Variants in MDGA2 observed in about 807,000 individuals in gnomAD.
MDGA2 encodes the protein MAM domain-containing glycosylphosphatidylinositol anchor protein 2.
In MDGA2, 40 loss-of-function variants were observed where a neutral mutation model predicts 117.8. That is an observed-to-expected ratio of 0.34 (90% confidence interval 0.26 to 0.44). The LOEUF (loss-of-function observed/expected upper bound fraction) is 0.44. MDGA2 is among the 20% of genes least tolerant of loss of function. The probability of loss-of-function intolerance (pLI) is 1.00; values close to 1 mark genes in which losing one functional copy is unlikely to be tolerated. For missense variants in MDGA2, 1,123 were observed against 1,250.6 expected, an observed-to-expected ratio of 0.90 and a Z score of 1.54; for synonymous variants, 452 against 439.0, an observed-to-expected ratio of 1.03 and a Z score of -0.37.
At chr14:47,442,575 A>G (rs1030258477) in intron 1 of MDGA2, among the ~76,000 whole-genome samples, 11 of 152,246 alleles carry the variant, frequency 7.2e-5, no homozygotes, top group Middle Eastern at 3.4e-3. Context: ...ATTCTACCTT[A>G]TAGGTATTAT....
chr14:46,853,274 A>C (rs897847224), intron 15 of MDGA2, among the ~76,000 whole-genome samples: 7 of 152,046 alleles, frequency 4.6e-5, no homozygotes, highest in Non-Finnish European at 7.4e-5. Flanking sequence ...AAACATAAAT[A>C]GAAAAAAATG....
chr14:47,092,012 A>G (rs8014438), intron 6 of MDGA2, among the ~76,000 whole-genome samples: 48,219 of 152,064 alleles, frequency 0.32, 7,996 homozygotes, highest in African/African-American at 0.41. Context: ...AGTTCTTTTG[A>G]GTAATTACAT....
At chr14:47,045,680 G>A (rs1013642918) in intron 7 of MDGA2, among the ~76,000 whole-genome samples, 3 of 152,048 alleles carry the variant, frequency 2.0e-5, no homozygotes, top group South Asian at 2.1e-4. Context: ...AACAAGAAAG[G>A]GGGGGCAGGC....
At chr14:47,570,889 G>T (rs1896006575) in intron 1 of MDGA2, among the ~76,000 whole-genome samples, 1 of 152,140 alleles carries the variant, frequency 6.6e-6, no homozygotes, top group Non-Finnish European at 1.5e-5. Flanking sequence ...GGGAACAAAA[G>T]TCAAAATTGA....
chr14:47,531,493 G>GTAT (rs1895100008), intron 1 of MDGA2, among the ~76,000 whole-genome samples: 2 of 152,160 alleles, frequency 1.3e-5, no homozygotes, highest in Admixed American at 6.5e-5. Context: ...ATTAGAAAAT[G>GTAT]TATTATTATT....
At chr14:46,849,380 T>C (rs1880971418) in intron 15 of MDGA2, among the ~76,000 whole-genome samples, 3 of 151,924 alleles carry the variant, frequency 2.0e-5, no homozygotes, top group Admixed American at 2.0e-4. Flanking sequence ...ATTTATTGCA[T>C]TGTTTTATTT....
At position 46,841,046 on chromosome 14, in the gene MDGA2, A is replaced by C. The variant is rs1454319636; in HGVS notation, c.*885T>G. On this transcript the variant is annotated 3_prime_UTR_variant, in exon 17 of 17. Coordinates refer to ENST00000399232, the MANE Select transcript of MDGA2 (RefSeq NM_001113498.3). ...TGTAGTTTGTTTATAAAATAGTTTT[A>C]CACAAACCACTCTTAGCAGTGCAAG... is the stretch of plus-strand genomic sequence containing the variant. 1.3e-5 allele frequency: 2 copies of C among 152,568 alleles called. No homozygotes were observed. Among genetic ancestry groups the C allele is most frequent in the African/African-American group, 4.8e-5 (2 of 41,436 alleles). The allele number at this position is 152,568 out of a possible 1,614,324, so 9.5% of individuals were successfully genotyped here.
chr14:47,659,639 T>C (rs1284253260), intron 1 of MDGA2, among the ~76,000 whole-genome samples: 2 of 152,186 alleles, frequency 1.3e-5, no homozygotes, highest in African/African-American at 4.8e-5. Flanking sequence ...GGTGTATAAG[T>C]GTATACCTCA....
chr14:46,954,597 C>A (rs1885493292), intron 9 of MDGA2, among the ~76,000 whole-genome samples: 1 of 151,988 alleles, frequency 6.6e-6, no homozygotes. Context: ...TGCACACTCA[C>A]ATTGCCTCCT....
At position 47,050,397 on chromosome 14, in the gene MDGA2, C is replaced by T. The variant is rs555450817; in HGVS notation, c.1525+10852G>A. ...CCAAACACCTTAGATTTTCTGTCTA[C>T]TTGTAACTTACTTTGAAATACTTCA... On this transcript the variant is annotated intron_variant, in intron 7 of 16. Transcript: ENST00000399232. Among the ~76,000 whole-genome samples, 7 of 152,126 alleles carry T rather than the reference C, an allele frequency of 4.6e-5. 1 individual carries two copies. In the South Asian group the frequency reaches 1.2e-3, roughly 27 times the overall value.
intron 2 of MDGA2, among the ~76,000 whole-genome samples, chr14:47,242,470 G>A (rs1191224264): frequency 2.6e-5 from 4 of 151,878 alleles, no homozygotes; most frequent in African/African-American, 9.7e-5. Flanking sequence ...AACCGGGGCT[G>A]CGTGTGGCGC....
intron 2 of MDGA2, among the ~76,000 whole-genome samples, chr14:47,275,956 A>C (rs966971442): frequency 2.0e-5 from 3 of 152,096 alleles, no homozygotes; most frequent in Non-Finnish European, 2.9e-5. Flanking sequence ...CCATTGTCTC[A>C]AGCGAAAAAT....
At chr14:47,136,697 A>T (rs1181401819) in intron 4 of MDGA2, among the ~76,000 whole-genome samples, 1 of 152,120 alleles carries the variant, frequency 6.6e-6, no homozygotes, top group Non-Finnish European at 1.5e-5. Flanking sequence ...ATTTAATGAG[A>T]TCACTTCAAA....
chr14:47,380,636 A>G (rs914984961), intron 1 of MDGA2, among the ~76,000 whole-genome samples: 4 of 152,162 alleles, frequency 2.6e-5, no homozygotes, highest in South Asian at 4.1e-4. Context: ...TCCTCGACAC[A>G]TAGACTCTCC....
At chr14:47,625,206 G>C (rs1897119490) in intron 1 of MDGA2, among the ~76,000 whole-genome samples, 1 of 151,840 alleles carries the variant, frequency 6.6e-6, no homozygotes, top group Non-Finnish European at 1.5e-5. Context: ...CTTTTCTTTA[G>C]CATACTGTAA....
intron 2 of MDGA2, among the ~76,000 whole-genome samples, chr14:47,282,068 GAC>G (rs1888510357): frequency 7.3e-6 from 1 of 137,522 alleles, no homozygotes; most frequent in Non-Finnish European, 1.6e-5. Context: ...AAAAAAAAAA[GAC>G]ACTTTCTTCA....
Position 47,620,341 on chromosome 14 carries a change from T to G in MDGA2, c.280+54176A>C, listed in dbSNP as rs546131358. 7.9e-5 allele frequency among the ~76,000 whole-genome samples: 12 copies of G among 152,384 alleles called. No homozygotes were observed. The East Asian group carries it at 2.3e-3, about 29-fold the overall frequency. ...CAAAATGATATATAGTGGACACCAC[T>G]GTGATATTGTTAACATATATAAAGA... On this transcript the variant is annotated intron_variant, in intron 1 of 16. Coordinates refer to ENST00000399232, the MANE Select transcript of MDGA2 (RefSeq NM_001113498.3).
In MDGA2 at chr14:47,560,380, A is replaced by T. The variant is rs139418611; in HGVS notation, c.280+114137T>A. ...GCCACCGCGCCCAGCCTATTTTAGG[A>T]TTTTTTAATAATAGGCTTTCTGACT... On this transcript the variant is annotated intron_variant, in intron 1 of 16. Transcript: ENST00000399232. Among the ~76,000 whole-genome samples the T allele has an allele frequency of 6.7e-3, 1,021 of 152,104 alleles. 16 individuals carry two copies. Among genetic ancestry groups the T allele is most frequent in the African/African-American group, 0.024 (981 of 41,492 alleles).
chr14:47,113,590 G>C (rs1236792607), intron 5 of MDGA2, among the ~76,000 whole-genome samples: 1 of 152,024 alleles, frequency 6.6e-6, no homozygotes, highest in East Asian at 1.9e-4. Flanking sequence ...CAACTTGCAA[G>C]ACTGGTTCAA....
Sources: allele counts gnomAD v4.1 joint callset (sites outside exome capture counted in the v4.1 genomes callset), GRCh38; gene constraint gnomAD v4.1.1; transcripts MANE v1.5; gene names NCBI Gene and HGNC (gene_info 2026-07-23, HGNC 2026-07-21).